Variants in SHANK2 observed in about 807,000 individuals in gnomAD.
SHANK2 encodes SH3 and multiple ankyrin repeat domains protein 2.
In SHANK2, 43 loss-of-function variants were observed where a neutral mutation model predicts 133.7. The observed-to-expected ratio is 0.32, with a 90% confidence interval of 0.25 to 0.41. The LOEUF is 0.41. Ranked by LOEUF, SHANK2 falls within the 10% of genes least tolerant of loss-of-function variation. The pLI is 1.00. For synonymous variants in SHANK2, 1,017 were observed against 952.8 expected (o/e 1.07, Z -1.24); for missense variants, 1,994 against 2,235.8 (o/e 0.89, Z 2.18).
At chr11:70,686,391 A>G (rs1214211856) in intron 15 of SHANK2, among the ~76,000 whole-genome samples, 1 of 139,556 alleles carries the variant, frequency 7.2e-6, no homozygotes, top group Non-Finnish European at 1.5e-5. Context: ...CCATCCATCC[A>G]TCCTTCCATC....
At chr11:71,069,387 T>G (rs964126597) in intron 9 of SHANK2, among the ~76,000 whole-genome samples, 78 of 150,916 alleles carry the variant, frequency 5.2e-4, no homozygotes, top group African/African-American at 1.8e-3. Flanking sequence ...CATCAACACC[T>G]TCATCATTAT....
In SHANK2 at chr11:70,739,669, G is replaced by A. The variant is rs191422873; in HGVS notation, c.1778-40906C>T. On this transcript the variant is annotated intron_variant, in intron 14 of 25. Transcript: ENST00000601538. The surrounding 1 kb of genome is among the most constrained non-coding windows in gnomAD (Gnocchi z 4.3). The stretch of plus-strand genomic sequence containing the variant: ...CCAGGGAGGCTGTGATGGGCTGAAC[G>A]GAGTCCCTCCAAATTCATATGCTGA... Among the ~76,000 whole-genome samples, 34 of 152,180 alleles carry A rather than the reference G, an allele frequency of 2.2e-4. No individual in the cohort carries two copies. Among genetic ancestry groups the A allele is most frequent in the African/African-American group, 6.8e-4 (28 of 41,438 alleles).
intron 14 of SHANK2, among the ~76,000 whole-genome samples, chr11:70,744,629 G>A (rs1423835344): frequency 4.6e-5 from 7 of 152,178 alleles, no homozygotes; most frequent in African/African-American, 1.7e-4. Flanking sequence ...TGCCCACCTG[G>A]CTGTGCCCCT....
chr11:70,821,584 C>A (rs1274574176), intron 11 of SHANK2, among the ~76,000 whole-genome samples: 1 of 152,104 alleles, frequency 6.6e-6, no homozygotes, highest in Non-Finnish European at 1.5e-5. Flanking sequence ...CGCCACCACG[C>A]CTGCTAATTT....
In SHANK2 at chr11:70,830,962, T is replaced by G. The variant is rs1948716384; in HGVS notation, c.1175-10280A>C. 6.6e-6 allele frequency among the ~76,000 whole-genome samples: 1 copy of G among 152,212 alleles called. No individual in the cohort carries two copies. The highest frequency in any genetic ancestry group is 1.5e-5 in the Non-Finnish European group (1 of 68,044). On this transcript the variant is annotated intron_variant, in intron 11 of 25. Coordinates refer to ENST00000601538, the MANE Select transcript of SHANK2 (RefSeq NM_012309.5). The surrounding 1 kb of genome is among the most constrained non-coding windows in gnomAD (Gnocchi z 4.4). ...AGACCCACTGTTCCTATAGGGGTCCTGCGTGGAGGGCCTACAACGACCCTG... is the reference window on the plus strand; with the variant it reads ...AGACCCACTGTTCCTATAGGGGTCCGGCGTGGAGGGCCTACAACGACCCTG...
At chr11:70,756,261 T>C (rs568004740) in intron 14 of SHANK2, among the ~76,000 whole-genome samples, 1 of 152,174 alleles carries the variant, frequency 6.6e-6, no homozygotes. Flanking sequence ...CAGGCTCTGA[T>C]GGGAAAGATC....
chr11:70,696,974 C>G (rs1362876585), intron 15 of SHANK2, among the ~76,000 whole-genome samples: 1 of 152,180 alleles, frequency 6.6e-6, no homozygotes, highest in Non-Finnish European at 1.5e-5. Context: ...CACGAATGAA[C>G]CTTGAAGACA....
intron 15 of SHANK2, among the ~76,000 whole-genome samples, chr11:70,673,326 T>C (rs7111840): frequency 0.013 from 2,017 of 151,830 alleles, 54 homozygotes; most frequent in African/African-American, 0.046. Flanking sequence ...ACAGTACAAC[T>C]GCCTGGCATT....
intron 15 of SHANK2, among the ~76,000 whole-genome samples, chr11:70,675,464 G>A (rs542821926): frequency 6.6e-6 from 1 of 152,340 alleles, no homozygotes; most frequent in South Asian, 2.1e-4. Flanking sequence ...AAGCCAGGCT[G>A]TCTGAACCAC....
At chr11:70,658,250 C>G (rs11237097) in intron 17 of SHANK2, among the ~76,000 whole-genome samples, 9 of 121,508 alleles carry the variant, frequency 7.4e-5, no homozygotes, top group Non-Finnish European at 1.3e-4. Context: ...CACACAGACA[C>G]ACACACACAC....
At chr11:70,570,150 C>T (rs190668328) in intron 17 of SHANK2, among the ~76,000 whole-genome samples, 1 of 152,206 alleles carries the variant, frequency 6.6e-6, no homozygotes, top group Admixed American at 6.5e-5. Flanking sequence ...CAAGAGGGAA[C>T]TTCTGTGGCT....
intron 3 of SHANK2, 116 bp downstream of exon 3, chr11:71,147,004 G>A (rs762752937): frequency 2.6e-5 from 22 of 833,330 alleles, no homozygotes; most frequent in Non-Finnish European, 3.8e-5. Context: ...AAGGAGCACG[G>A]TGTGCCCAGA....
chr11:71,069,347 CATT>C (rs1951111718), intron 9 of SHANK2, among the ~76,000 whole-genome samples: 1 of 152,008 alleles, frequency 6.6e-6, no homozygotes, highest in African/African-American at 2.4e-5. Flanking sequence ...CCACCTTCAT[CATT>C]GCCACCACCA....
chr11:70,954,789 T>A (rs1555087414), intron 10 of SHANK2, among the ~76,000 whole-genome samples: 1 of 152,246 alleles, frequency 6.6e-6, no homozygotes, highest in African/African-American at 2.4e-5. Context: ...GTTCTTTGTT[T>A]CTGGCTTCGG....
At chr11:70,681,933 G>C (rs1363614590) in intron 15 of SHANK2, among the ~76,000 whole-genome samples, 2 of 152,186 alleles carry the variant, frequency 1.3e-5, no homozygotes, top group African/African-American at 4.8e-5. Context: ...TAATAACAGG[G>C]TCTGGGCATG....
chr11:70,636,796 G>A (rs927679420), intron 17 of SHANK2, among the ~76,000 whole-genome samples: 3 of 152,176 alleles, frequency 2.0e-5, no homozygotes, highest in Non-Finnish European at 4.4e-5. Flanking sequence ...GTGTGAGCGT[G>A]TGTGTGAACA....
At chr11:71,112,057 C>A (rs1951898961) in intron 5 of SHANK2, among the ~76,000 whole-genome samples, 2 of 152,120 alleles carry the variant, frequency 1.3e-5, no homozygotes, top group Non-Finnish European at 2.9e-5. Context: ...AACTTGAGCA[C>A]AAAAATCAAT....
intron 3 of SHANK2, among the ~76,000 whole-genome samples, chr11:71,136,060 G>A (rs1952433422): frequency 6.6e-6 from 1 of 152,156 alleles, no homozygotes; most frequent in South Asian, 2.1e-4. Context: ...CATTCTGGTT[G>A]CGACGGCTGA....
intron 10 of SHANK2, among the ~76,000 whole-genome samples, chr11:70,954,312 C>G (rs975274667): frequency 6.6e-6 from 1 of 152,226 alleles, no homozygotes; most frequent in African/African-American, 2.4e-5. Flanking sequence ...CAATATCACC[C>G]ACGGTGTCAG....
Sources: gnomAD v4.1 joint callset for allele counts (sites outside exome capture counted in the v4.1 genomes callset) on GRCh38, gnomAD v4.1.1 for gene constraint, Gnocchi (gnomAD v3.1) non-coding constraint, MANE v1.5 for transcripts, NCBI Gene and HGNC (gene_info 2026-07-23, HGNC 2026-07-21) for gene names.